CUX2: variants seen among roughly 807,000 people sequenced by gnomAD.
CUX2 encodes cut like homeobox 2.
A neutral mutation model predicts 144.8 loss-of-function variants in CUX2; 40 were observed. The ratio of observed to expected loss-of-function variants is 0.28; its 90% confidence interval spans 0.21 to 0.36. The LOEUF is 0.36. CUX2 is among the 10% of genes least tolerant of loss of function. The pLI is 1.00. For missense variants in CUX2, 1,615 were observed against 1,994.0 expected (o/e 0.81, Z 3.62); for synonymous variants, 827 against 875.6 (o/e 0.94, Z 0.98).
chr12:111,208,725 G>T (rs61227974), intron 1 of CUX2, among the ~76,000 whole-genome samples: 9,311 of 152,262 alleles, frequency 0.061, 307 homozygotes, highest in South Asian at 0.12. Flanking sequence ...AGTGTTAGAA[G>T]GGATTGACTT....
chr12:111,248,705 G>A (rs537332524), intron 3 of CUX2, among the ~76,000 whole-genome samples: 5 of 152,060 alleles, frequency 3.3e-5, no homozygotes, highest in African/African-American at 4.8e-5. Context: ...ACACCCATAC[G>A]GGGAGCCAAA....
intron 1 of CUX2, among the ~76,000 whole-genome samples, chr12:111,205,485 T>C (rs141898182): frequency 2.9e-4 from 44 of 152,316 alleles, no homozygotes; most frequent in East Asian, 1.9e-3. Context: ...ATTTATTGAA[T>C]GCCCACTGTG....
chr12:111,130,254 G>A (rs1462658962), intron 1 of CUX2, among the ~76,000 whole-genome samples: 1 of 152,222 alleles, frequency 6.6e-6, no homozygotes, highest in African/African-American at 2.4e-5. Flanking sequence ...TTGAGGGGCT[G>A]TGACACTCTG....
At chr12:111,330,801 T>C (rs1330082157) in intron 18 of CUX2, among the ~76,000 whole-genome samples, 2 of 139,750 alleles carry the variant, frequency 1.4e-5, no homozygotes, top group African/African-American at 5.1e-5. Flanking sequence ...ACTGGGCATG[T>C]AGTAAGTACT....
chr12:111,192,652 A>G (rs1157621406), intron 1 of CUX2, among the ~76,000 whole-genome samples: 1 of 152,228 alleles, frequency 6.6e-6, no homozygotes, highest in African/African-American at 2.4e-5. Context: ...GGGGTCTGAC[A>G]CAGAGAAGGA....
intron 1 of CUX2, among the ~76,000 whole-genome samples, chr12:111,197,630 C>T (rs866656919): frequency 1.3e-5 from 2 of 152,176 alleles, no homozygotes; most frequent in Admixed American, 6.5e-5. Flanking sequence ...ATGCCAGTGG[C>T]GGCCTGTCTT....
intron 1 of CUX2, among the ~76,000 whole-genome samples, chr12:111,070,598 A>G (rs1404511956): frequency 6.6e-6 from 1 of 152,198 alleles, no homozygotes; most frequent in Non-Finnish European, 1.5e-5. Flanking sequence ...AAATCAATGT[A>G]CATTGACACA....
At chr12:111,085,086 G>T (rs1227732832) in intron 1 of CUX2, among the ~76,000 whole-genome samples, 2 of 152,032 alleles carry the variant, frequency 1.3e-5, no homozygotes, top group Admixed American at 1.3e-4. Flanking sequence ...GAGACAGGTG[G>T]CAAAGAAAAA....
At chr12:111,092,758 A>G (rs544412949) in intron 1 of CUX2, among the ~76,000 whole-genome samples, 1 of 150,056 alleles carries the variant, frequency 6.7e-6, no homozygotes, top group South Asian at 2.2e-4. Flanking sequence ...GGACAGCTGT[A>G]GTAATCCATA....
At chr12:111,228,164 A>G (rs1339469309) in intron 3 of CUX2, among the ~76,000 whole-genome samples, 2 of 152,164 alleles carry the variant, frequency 1.3e-5, no homozygotes, top group Non-Finnish European at 2.9e-5. Flanking sequence ...AAGTACAGTG[A>G]GGGACATGCA....
chr12:111,166,217 C>T (rs1221030023), intron 1 of CUX2, among the ~76,000 whole-genome samples: 2 of 152,124 alleles, frequency 1.3e-5, no homozygotes, highest in African/African-American at 2.4e-5. Context: ...GACGAAGTCT[C>T]GCTATTGTTG....
At chr12:111,040,440 A>G (rs1420916283) in intron 1 of CUX2, among the ~76,000 whole-genome samples, 3 of 151,688 alleles carry the variant, frequency 2.0e-5, no homozygotes, top group Non-Finnish European at 4.4e-5. Flanking sequence ...TCTTTGTCCC[A>G]CAAACACATC....
chr12:111,243,288 T>C (rs1883120577), intron 3 of CUX2, among the ~76,000 whole-genome samples: 2 of 152,222 alleles, frequency 1.3e-5, no homozygotes, highest in Admixed American at 1.3e-4. Flanking sequence ...TGTATCATTT[T>C]ACCTGTAAAT....
chr12:111,183,155 C>A (rs954561315), intron 1 of CUX2, among the ~76,000 whole-genome samples: 1 of 152,216 alleles, frequency 6.6e-6, no homozygotes, highest in Non-Finnish European at 1.5e-5. Flanking sequence ...ATGTGCTTCA[C>A]CCCAGTTGAG....
intron 1 of CUX2, among the ~76,000 whole-genome samples, chr12:111,109,587 A>T (rs951530195): frequency 3.3e-5 from 5 of 151,900 alleles, no homozygotes; most frequent in African/African-American, 1.2e-4. Context: ...TCAGTCTTGG[A>T]CTCAGGCTTT....
In CUX2 at chr12:111,310,783, C is replaced by G; in HGVS notation, c.1900+101C>G. The stretch of plus-strand genomic sequence containing the variant: ...CGCGCTCTGGGTTCAAAGCCCAGCT[C>G]TACCACCACCTGGCTGTGTGACCCA... On this transcript the variant is annotated intron_variant, in intron 15 of 21. Coordinates refer to ENST00000261726, the MANE Select transcript of CUX2 (RefSeq NM_015267.4). The surrounding 1 kb of genome is among the most constrained non-coding windows in gnomAD (Gnocchi z 7.9). The G allele has an allele frequency of 7.5e-7, 1 of 1,327,734 alleles. No individual in the cohort carries two copies. Among genetic ancestry groups the G allele is most frequent in the Non-Finnish European group, 1.0e-6 (1 of 992,888 alleles). The allele number at this position is 1,327,734 out of a possible 1,614,324, so 82.2% of individuals were successfully genotyped here.
chr12:111,087,879 A>T (rs1476398900), intron 1 of CUX2, among the ~76,000 whole-genome samples: 1 of 152,238 alleles, frequency 6.6e-6, no homozygotes, highest in Non-Finnish European at 1.5e-5. Context: ...ATTCATGAGT[A>T]GCCAAAAAGT....
intron 14 of CUX2, 115 bp downstream of exon 14, chr12:111,308,641 C>A: frequency 2.3e-6 from 2 of 859,370 alleles, no homozygotes; most frequent in Non-Finnish European, 3.6e-6. Context: ...AACGACAGAA[C>A]AACAGGTGTG....
intron 2 of CUX2, among the ~76,000 whole-genome samples, chr12:111,216,516 A>AT (rs1239017336): frequency 6.6e-6 from 1 of 152,126 alleles, no homozygotes; most frequent in Non-Finnish European, 1.5e-5. Context: ...TTTTGAGAAT[A>AT]TTTGGTAGAT....
Sources: gnomAD v4.1 joint callset for allele counts (sites outside exome capture counted in the v4.1 genomes callset) on GRCh38, gnomAD v4.1.1 for gene constraint, Gnocchi (gnomAD v3.1) non-coding constraint, MANE v1.5 for transcripts, NCBI Gene and HGNC (gene_info 2026-07-23, HGNC 2026-07-21) for gene names.